Variants in LIMS1 observed in about 807,000 individuals in gnomAD.
LIMS1 encodes LIM zinc finger domain containing 1.
A neutral mutation model predicts 44.1 loss-of-function variants in LIMS1; 18 were observed. The ratio of observed to expected loss-of-function variants is 0.41; its 90% CI spans 0.28 to 0.61. The LOEUF (loss-of-function observed/expected upper bound fraction) is 0.61. Ranked by LOEUF, LIMS1 falls within the 20% of genes least tolerant of loss-of-function variation. The probability of loss-of-function intolerance (pLI) is 0.32; values close to 1 mark genes in which losing one functional copy is unlikely to be tolerated. For missense variants in LIMS1, 201 were observed against 422.0 expected, an observed-to-expected ratio of 0.48 and a Z score of 4.59; for synonymous variants, 93 against 149.1, an observed-to-expected ratio of 0.62 and a Z score of 2.74.
chr2:108,607,225 A>C (rs1386075843), intron 1 of LIMS1: 1 of 1,550,978 alleles, frequency 6.4e-7, no homozygotes, highest in Non-Finnish European at 8.7e-7. Context: ...CCAGCTGATG[A>C]GGGACACATC....
intron 1 of LIMS1, among the ~76,000 whole-genome samples, chr2:108,629,267 A>G (rs1431171581): frequency 6.6e-6 from 1 of 152,244 alleles, no homozygotes; most frequent in Non-Finnish European, 1.5e-5. Flanking sequence ...TAATGTTTCA[A>G]CCATGTTCGG....
intron 1 of LIMS1, among the ~76,000 whole-genome samples, chr2:108,551,949 GTGTGTATATATA>G (rs1344612077): frequency 1.3e-4 from 13 of 98,030 alleles, no homozygotes; most frequent in African/African-American, 4.6e-4. Flanking sequence ...GTGTGTGTGT[GTGTGTATATATA>G]TATATATATA....
intron 1 of LIMS1, among the ~76,000 whole-genome samples, chr2:108,619,034 C>G (rs1053964081): frequency 6.6e-6 from 1 of 151,982 alleles, no homozygotes; most frequent in South Asian, 2.1e-4. Flanking sequence ...TGTTACTGCT[C>G]TCCCCCGCCC....
chr2:108,597,436 G>A (rs1211949023), intron 1 of LIMS1, among the ~76,000 whole-genome samples: 1 of 152,130 alleles, frequency 6.6e-6, no homozygotes, highest in Non-Finnish European at 1.5e-5. Flanking sequence ...TTAAAATGTT[G>A]TGAATTCTTG....
chr2:108,615,182 A>T (rs1368535848), intron 1 of LIMS1, among the ~76,000 whole-genome samples: 1 of 152,198 alleles, frequency 6.6e-6, no homozygotes, highest in African/African-American at 2.4e-5. Flanking sequence ...AAGTCAAATT[A>T]TGGGAAAATC....
At chr2:108,607,360 A>T (rs1405853461) in intron 1 of LIMS1, 17 of 1,039,566 alleles carry the variant, frequency 1.6e-5, no homozygotes, top group Non-Finnish European at 2.0e-5. Flanking sequence ...CATAAATAGT[A>T]CATGTGTGCA....
chr2:108,652,703 T>G (rs962364927), intron 1 of LIMS1, among the ~76,000 whole-genome samples: 10 of 152,186 alleles, frequency 6.6e-5, no homozygotes, highest in Non-Finnish European at 1.5e-4. Context: ...GTTTTGCTCC[T>G]GTACTGTAGT....
chr2:108,562,194 G>A (rs1685148482), intron 1 of LIMS1, among the ~76,000 whole-genome samples: 1 of 152,028 alleles, frequency 6.6e-6, no homozygotes, highest in Admixed American at 6.6e-5. Context: ...CCTCTCCTTG[G>A]GCCTCCCTAT....
intron 1 of LIMS1, among the ~76,000 whole-genome samples, 173 bp downstream of exon 1, chr2:108,534,767 G>A (rs899258867): frequency 3.5e-4 from 53 of 151,754 alleles, no homozygotes; most frequent in African/African-American, 1.2e-3. Flanking sequence ...GGCTGCGTCC[G>A]GGCCCGCGGA....
intron 1 of LIMS1, among the ~76,000 whole-genome samples, chr2:108,552,720 G>T (rs544751354): frequency 6.6e-6 from 1 of 151,540 alleles, no homozygotes; most frequent in Non-Finnish European, 1.5e-5. Flanking sequence ...GGGACTACAG[G>T]CATGTGCCAC....
intron 1 of LIMS1, among the ~76,000 whole-genome samples, chr2:108,651,703 C>A (rs1381479450): frequency 6.6e-6 from 1 of 152,148 alleles, no homozygotes; most frequent in Admixed American, 6.5e-5. Context: ...AGATCTCTAT[C>A]TGCTTCCCCG....
At chr2:108,584,984 C>A (rs915418993) in intron 1 of LIMS1, among the ~76,000 whole-genome samples, 4 of 151,860 alleles carry the variant, frequency 2.6e-5, no homozygotes, top group African/African-American at 9.7e-5. Context: ...AACCCTGTCT[C>A]TACCAAAAAT....
intron 1 of LIMS1, among the ~76,000 whole-genome samples, chr2:108,613,940 A>T (rs1181494356): frequency 1.3e-5 from 2 of 151,760 alleles, no homozygotes; most frequent in African/African-American, 4.8e-5. Context: ...ACTACTTGAC[A>T]TGTTTTAAAT....
chr2:108,633,419 T>C (rs1329563151), intron 1 of LIMS1, among the ~76,000 whole-genome samples: 2 of 152,234 alleles, frequency 1.3e-5, no homozygotes, highest in Admixed American at 1.3e-4. Flanking sequence ...TCAGACCTCT[T>C]ATATTCAGTC....
intron 1 of LIMS1, among the ~76,000 whole-genome samples, chr2:108,624,862 T>C (rs905652975): frequency 6.6e-6 from 1 of 152,236 alleles, no homozygotes; most frequent in Non-Finnish European, 1.5e-5. Context: ...GCAGATCACC[T>C]GAGCTCAGGA....
chr2:108,570,530 G>A (rs1169566192), intron 1 of LIMS1, among the ~76,000 whole-genome samples: 3 of 152,146 alleles, frequency 2.0e-5, no homozygotes, highest in South Asian at 2.1e-4. Context: ...CAGGTTGGTC[G>A]TGGGGGAGGA....
intron 2 of LIMS1, among the ~76,000 whole-genome samples, chr2:108,664,726 A>G (rs1205576029): frequency 6.6e-6 from 1 of 152,030 alleles, no homozygotes; most frequent in Admixed American, 6.5e-5. Context: ...ATTTCTACAC[A>G]CTGTAGAAAA....
intron 2 of LIMS1, among the ~76,000 whole-genome samples, chr2:108,667,933 T>C (rs1691897859): frequency 6.6e-6 from 1 of 152,234 alleles, no homozygotes; most frequent in African/African-American, 2.4e-5. Context: ...ATTTGTATTA[T>C]TTTTATTTTT....
intron 1 of LIMS1, among the ~76,000 whole-genome samples, chr2:108,632,686 A>G (rs986392823): frequency 1.3e-5 from 2 of 152,230 alleles, no homozygotes. Context: ...AGATACTGCT[A>G]TAGAATCAAC....
Sources: gnomAD v4.1 joint callset for allele counts (sites outside exome capture counted in the v4.1 genomes callset) on GRCh38, gnomAD v4.1.1 for gene constraint, MANE v1.5 for transcripts, NCBI Gene and HGNC (gene_info 2026-07-23, HGNC 2026-07-21) for gene names.